GPR107: variants seen among roughly 807,000 people sequenced by gnomAD.
GPR107 encodes the protein protein GPR107.
A neutral mutation model predicts 75.5 loss-of-function variants in GPR107; 31 were observed. The ratio of observed to expected loss-of-function variants is 0.41; its 90% CI spans 0.31 to 0.55. The LOEUF is 0.55. GPR107 is among the 20% of genes least tolerant of loss of function. GPR107 has a pLI of 0.26. For missense variants in GPR107, 572 were observed against 665.7 expected (o/e 0.86, Z 1.55); for synonymous variants, 267 against 251.3 (o/e 1.06, Z -0.59).
chr9:130,123,507 C>CT (rs1477931659), intron 14 of GPR107, among the ~76,000 whole-genome samples: 5 of 133,838 alleles, frequency 3.7e-5, no homozygotes, highest in Non-Finnish European at 7.8e-5. Flanking sequence ...CGGCCTATTT[C>CT]TTTTTTTTCT....
chr9:130,069,778 C>T (rs767664342), intron 1 of GPR107, among the ~76,000 whole-genome samples: 2 of 151,828 alleles, frequency 1.3e-5, no homozygotes, highest in Non-Finnish European at 2.9e-5. Context: ...CTCTGCCTCC[C>T]GGGTTCAAGC....
intron 14 of GPR107, chr9:130,108,668 C>T: frequency 2.2e-6 from 1 of 454,108 alleles, no homozygotes; most frequent in Non-Finnish European, 4.4e-6. Context: ...AGGCCAGCCT[C>T]CCAAGGCCCA....
At position 130,059,677 on chromosome 9, in the gene GPR107, A is replaced by C. The variant is rs536619815; in HGVS notation, c.141+5604A>C. 6.6e-5 allele frequency among the ~76,000 whole-genome samples: 10 copies of C among 152,086 alleles called. No individual in the cohort carries two copies. In the South Asian group the frequency reaches 2.1e-3, roughly 32 times the overall value. On this transcript the variant is annotated intron_variant, in intron 1 of 17. Coordinates refer to ENST00000347136, the MANE Select transcript of GPR107 (RefSeq NM_020960.5). ...TCATTGGTCATAAATGGATTGAAAAAGTTTTGAAAAATCAGGATCTAAGTC... is the reference window on the plus strand; with the variant it reads ...TCATTGGTCATAAATGGATTGAAAACGTTTTGAAAAATCAGGATCTAAGTC...
intron 7 of GPR107, among the ~76,000 whole-genome samples, chr9:130,089,507 G>T (rs1027569386): frequency 6.6e-6 from 1 of 152,128 alleles, no homozygotes; most frequent in Non-Finnish European, 1.5e-5. Flanking sequence ...GGGGATAGTG[G>T]TTTATCTACC....
At chr9:130,090,089 A>G (rs1830699079) in intron 7 of GPR107, among the ~76,000 whole-genome samples, 1 of 152,122 alleles carries the variant, frequency 6.6e-6, no homozygotes. Flanking sequence ...GTCACTTCCT[A>G]GCTTTTCTTT....
At chr9:130,092,100 A>C in intron 8 of GPR107, 148 bp from the exon 9 acceptor site, 1 of 643,760 alleles carries the variant, frequency 1.6e-6, no homozygotes, top group Non-Finnish European at 2.7e-6. Flanking sequence ...TCAGCCTCCC[A>C]AAGTGCTGAG....
chr9:130,059,026 C>T (rs144685345), intron 1 of GPR107, among the ~76,000 whole-genome samples: 47 of 152,186 alleles, frequency 3.1e-4, no homozygotes, highest in Non-Finnish European at 6.2e-4. Flanking sequence ...GGATGATATC[C>T]AGGAGTGGAG....
intron 6 of GPR107, among the ~76,000 whole-genome samples, chr9:130,084,446 G>C (rs193170249): frequency 6.8e-6 from 1 of 147,610 alleles, no homozygotes; most frequent in Non-Finnish European, 1.5e-5. Context: ...CTCCTATTTT[G>C]GGGGAGAGCA....
intron 1 of GPR107, among the ~76,000 whole-genome samples, chr9:130,074,182 A>G (rs966298940): frequency 1.3e-5 from 2 of 152,210 alleles, no homozygotes; most frequent in African/African-American, 4.8e-5. Context: ...TCAAAAAGCT[A>G]TGAATGCAAG....
At chr9:130,097,690 G>A (rs2132602986) in intron 9 of GPR107, among the ~76,000 whole-genome samples, 1 of 150,960 alleles carries the variant, frequency 6.6e-6, no homozygotes, top group South Asian at 2.1e-4. Context: ...CCCCTCTTGT[G>A]GCTGCCTGTA....
chr9:130,094,197 C>T (rs928724509), intron 9 of GPR107, among the ~76,000 whole-genome samples: 1 of 152,160 alleles, frequency 6.6e-6, no homozygotes, highest in Non-Finnish European at 1.5e-5. Flanking sequence ...GTAATCCTAG[C>T]ACTTTGGGAG....
At chr9:130,083,920 G>A (rs1288431376) in intron 6 of GPR107, among the ~76,000 whole-genome samples, 4 of 151,722 alleles carry the variant, frequency 2.6e-5, no homozygotes, top group Admixed American at 2.0e-4. Flanking sequence ...GTAAATAGTT[G>A]TTACACTGTG....
chr9:130,122,516 C>G (rs1831572257), intron 14 of GPR107, among the ~76,000 whole-genome samples: 1 of 152,320 alleles, frequency 6.6e-6, no homozygotes, highest in East Asian at 1.9e-4. Context: ...GCCTTCCCAT[C>G]CCTCAGGGGA....
chr9:130,099,084 G>A (rs1830949500), intron 9 of GPR107, among the ~76,000 whole-genome samples: 1 of 152,004 alleles, frequency 6.6e-6, no homozygotes, highest in Non-Finnish European at 1.5e-5. Flanking sequence ...GGCCGAAGTG[G>A]GTGGATTGCT....
chr9:130,074,588 TG>T (rs1447363206), intron 1 of GPR107, among the ~76,000 whole-genome samples: 3 of 152,018 alleles, frequency 2.0e-5, no homozygotes, highest in African/African-American at 7.2e-5. Flanking sequence ...ATCAAGCAGG[TG>T]GGGTAGGCGT....
At chr9:130,125,057 G>A in intron 15 of GPR107, 93 bp downstream of exon 15, 1 of 484,768 alleles carries the variant, frequency 2.1e-6, no homozygotes, top group Admixed American at 4.0e-5. Flanking sequence ...GAAAGCACAA[G>A]ATGTGCCACC....
chr9:130,109,988 G>A (rs1028587810), intron 14 of GPR107, among the ~76,000 whole-genome samples: 3 of 152,142 alleles, frequency 2.0e-5, no homozygotes, highest in Non-Finnish European at 4.4e-5. Flanking sequence ...AAATCCCAAG[G>A]GCGGTGCTTT....
At chr9:130,075,401 T>A (rs530420649) in intron 1 of GPR107, among the ~76,000 whole-genome samples, 3 of 152,008 alleles carry the variant, frequency 2.0e-5, no homozygotes, top group Admixed American at 1.3e-4. Flanking sequence ...CCCGCCACCA[T>A]GCCCGGCTAA....
At chr9:130,123,021 C>A (rs1589528571) in intron 14 of GPR107, among the ~76,000 whole-genome samples, 1 of 151,892 alleles carries the variant, frequency 6.6e-6, no homozygotes, top group South Asian at 2.1e-4. Context: ...ATGATGAGAA[C>A]CAGAGAGATT....
Sources: allele counts gnomAD v4.1 joint callset (sites outside exome capture counted in the v4.1 genomes callset), GRCh38; gene constraint gnomAD v4.1.1; transcripts MANE v1.5; gene names NCBI Gene and HGNC (gene_info 2026-07-23, HGNC 2026-07-21).